The following EFCAB5 variants were observed in gnomAD, a reference collection of about 807,000 sequenced individuals.
The protein encoded by EFCAB5 is EF-hand calcium binding domain 5.
A neutral mutation model predicts 167.9 loss-of-function variants in EFCAB5; 131 were observed. The observed-to-expected ratio is 0.78, with a 90% CI of 0.68 to 0.90. The LOEUF (loss-of-function observed/expected upper bound fraction) is 0.90. Among genes scored for constraint, EFCAB5 ranks in the 40% least tolerant of loss-of-function variants. The pLI, the probability that EFCAB5 is intolerant of heterozygous loss-of-function variation, is 0.00. For missense variants in EFCAB5, 1,663 were observed against 1,745.2 expected (o/e 0.95, Z 0.84); for synonymous variants, 574 against 602.8 (o/e 0.95, Z 0.70).
At chr17:30,084,644 C>T (rs1597551500) in intron 18 of EFCAB5, among the ~76,000 whole-genome samples, 1 of 152,176 alleles carries the variant, frequency 6.6e-6, no homozygotes, top group African/African-American at 2.4e-5. Flanking sequence ...TTTTCAAGCA[C>T]TCAACGATCA....
chr17:30,106,290 TA>T (rs2071448349), intron 22 of EFCAB5, among the ~76,000 whole-genome samples: 1 of 151,312 alleles, frequency 6.6e-6, no homozygotes, highest in African/African-American at 2.4e-5. Flanking sequence ...TATTTATTTA[TA>T]ATTATAAATA....
At chr17:29,932,076 C>G (rs1462236321) in intron 1 of EFCAB5, among the ~76,000 whole-genome samples, 1 of 151,616 alleles carries the variant, frequency 6.6e-6, no homozygotes, top group Non-Finnish European at 1.5e-5. Context: ...CCCTAACTGA[C>G]AAGATTCTTG....
chr17:30,079,239 A>C (rs1480496647), intron 15 of EFCAB5, among the ~76,000 whole-genome samples: 1 of 152,146 alleles, frequency 6.6e-6, no homozygotes, highest in African/African-American at 2.4e-5. Flanking sequence ...CCAAAAGACC[A>C]CTCAAGAAGA....
intron 19 of EFCAB5, 122 bp downstream of exon 19, chr17:30,087,288 T>C: frequency 1.4e-6 from 1 of 694,892 alleles, no homozygotes; most frequent in Non-Finnish European, 2.3e-6. Flanking sequence ...TTCTTTTTAA[T>C]TTAATTTTAT....
chr17:30,059,907 C>CT (rs922424439), intron 14 of EFCAB5: 30 of 301,092 alleles, frequency 1.0e-4, no homozygotes, highest in African/African-American at 5.6e-4. Context: ...AGGCTGGGCT[C>CT]TAATTCCTGG....
intron 14 of EFCAB5, chr17:30,069,480 A>G: frequency 6.3e-7 from 1 of 1,591,104 alleles, no homozygotes; most frequent in Non-Finnish European, 8.6e-7. Context: ...GATGGCGTTC[A>G]CCAGTTAGTT....
chr17:29,970,125 T>C (rs2067918181), intron 4 of EFCAB5, among the ~76,000 whole-genome samples: 1 of 152,226 alleles, frequency 6.6e-6, no homozygotes, highest in Non-Finnish European at 1.5e-5. Flanking sequence ...TACTGTAACA[T>C]GTAAGGATTC....
In EFCAB5 at chr17:30,057,693, A is replaced by G. The variant is rs2070310949; in HGVS notation, c.2383A>G (p.Arg795Gly). 1 of 1,612,654 alleles carries G rather than the reference A, an allele frequency of 6.2e-7. No individual in the cohort carries two copies. Among genetic ancestry groups the G allele is most frequent in the Non-Finnish European group, 8.5e-7 (1 of 1,178,922 alleles). The change falls in exon 13 of 23, where the codon AGA (arginine) becomes GGA (glycine). Residue 795 changes from arginine (R) to glycine (G), a missense_variant. Coordinates refer to ENST00000394835, the MANE Select transcript of EFCAB5 (RefSeq NM_198529.4). ...CTTGACAGATTTACACTCAATTATC[A>G]GAAATATTCAGTCTTGCAAGGAGGT... ...SRFTDLHSII[R>G]NIQSCKEVKG...
chr17:30,064,255 C>T (rs2070502119), intron 14 of EFCAB5, among the ~76,000 whole-genome samples: 1 of 152,094 alleles, frequency 6.6e-6, no homozygotes, highest in African/African-American at 2.4e-5. Flanking sequence ...TTCAGATTGA[C>T]AGTTCAACAA....
At chr17:29,960,558 A>G (rs1395767126) in intron 3 of EFCAB5, among the ~76,000 whole-genome samples, 7 of 152,170 alleles carry the variant, frequency 4.6e-5, no homozygotes, top group Non-Finnish European at 1.0e-4. Flanking sequence ...TAAGCCCCAC[A>G]TGCATTAGCT....
chr17:30,107,808 ACTTTT>A (rs5819880), intron 22 of EFCAB5, 21 bp from the exon 23 acceptor site: 737,681 of 1,474,622 alleles, frequency 0.5, 185,853 homozygotes, highest in East Asian at 0.79. Context: ...CTCCACTCTT[ACTTTT>A]CTTTTTTTTT....
chr17:30,046,683 C>T (rs1051601528), intron 8 of EFCAB5, among the ~76,000 whole-genome samples: 2 of 152,208 alleles, frequency 1.3e-5, no homozygotes, highest in African/African-American at 4.8e-5. Context: ...ACTTGAGCCA[C>T]AAATCTTCCC....
chr17:29,985,652 T>C (rs2068265978), intron 4 of EFCAB5, among the ~76,000 whole-genome samples: 1 of 152,230 alleles, frequency 6.6e-6, no homozygotes, highest in African/African-American at 2.4e-5. Flanking sequence ...GCTAGTTATC[T>C]GCAGCAGGAA....
chr17:29,993,078 T>C, intron 4 of EFCAB5, 87 bp from the exon 5 acceptor site: 1 of 1,319,202 alleles, frequency 7.6e-7, no homozygotes, highest in Non-Finnish European at 1.0e-6. Context: ...GCAAACATTT[T>C]CAAAGAGAGT....
chr17:30,081,215 C>A (rs540615769), intron 17 of EFCAB5, among the ~76,000 whole-genome samples: 1 of 152,288 alleles, frequency 6.6e-6, no homozygotes, highest in South Asian at 2.1e-4. Flanking sequence ...TGTCCCATAG[C>A]ATTAATCACA....
At chr17:29,940,161 C>T (rs1428592804), upstream of EFCAB5, among the ~76,000 whole-genome samples, 2 of 151,954 alleles carry the variant, frequency 1.3e-5, no homozygotes, top group African/African-American at 2.4e-5. Context: ...CTGCAACCTC[C>T]GCCTCCCGGG....
At chr17:30,097,013 CAT>C (rs1567777208) in intron 22 of EFCAB5, among the ~76,000 whole-genome samples, 4 of 116,450 alleles carry the variant, frequency 3.4e-5, no homozygotes, top group African/African-American at 1.6e-4. Context: ...TATACATATA[CAT>C]ATACATATAC....
chr17:30,078,878 G>A (rs1414423660), intron 15 of EFCAB5, among the ~76,000 whole-genome samples: 3 of 152,118 alleles, frequency 2.0e-5, no homozygotes, highest in South Asian at 4.1e-4. Flanking sequence ...TGGTATTTTG[G>A]GAGTCAGTTT....
chr17:30,058,033 G>T lies in EFCAB5; in HGVS notation c.2580+143G>T, dbSNP rs556332149. On this transcript the variant is annotated intron_variant, in intron 13 of 22. Coordinates refer to ENST00000394835, the MANE Select transcript of EFCAB5 (RefSeq NM_198529.4). ...TCTTTCAACAAGCATAGCCATTAAA[G>T]ATTCTATTTTATCATCAAATATTCT... 1.1e-4 allele frequency: 81 copies of T among 708,732 alleles called. No individual in the cohort carries two copies. In the Admixed American group the frequency reaches 1.5e-3, roughly 13 times the overall value. The allele number at this position is 708,732 out of a possible 1,614,324, so 43.9% of individuals were successfully genotyped here. A position where few individuals can be genotyped will look rare whatever the true frequency, so the allele number is the denominator to read the frequency against.
Sources: allele counts gnomAD v4.1 joint callset (sites outside exome capture counted in the v4.1 genomes callset), GRCh38; gene constraint gnomAD v4.1.1; transcripts MANE v1.5; gene names NCBI Gene and HGNC (gene_info 2026-07-23, HGNC 2026-07-21).